The following FHIT variants were observed in gnomAD, a reference collection of about 807,000 sequenced individuals.
The protein encoded by FHIT is fragile histidine triad diadenosine triphosphatase.
In FHIT, 19 loss-of-function variants were observed where a neutral mutation model predicts 17.9. The observed-to-expected ratio is 1.06, with a 90% confidence interval of 0.74 to 1.56. FHIT has a LOEUF of 1.56. Among genes scored for constraint, FHIT ranks in the 40% most tolerant of loss-of-function variants. The probability of loss-of-function intolerance (pLI) is 0.00; values close to 1 mark genes in which losing one functional copy is unlikely to be tolerated. For missense variants in FHIT, 248 were observed against 189.2 expected (o/e 1.31, Z -1.82); for synonymous variants, 81 against 69.7 (o/e 1.16, Z -0.81).
intron 5 of FHIT, among the ~76,000 whole-genome samples, chr3:60,194,335 G>A (rs181296827): frequency 6.6e-6 from 1 of 152,086 alleles, no homozygotes; most frequent in Non-Finnish European, 1.5e-5. Context: ...ATAAACTGGG[G>A]AAAGGACACT....
At chr3:60,777,074 C>T (rs533527580) in intron 4 of FHIT, among the ~76,000 whole-genome samples, 40 of 152,256 alleles carry the variant, frequency 2.6e-4, no homozygotes, top group African/African-American at 5.5e-4. Context: ...AAAAGGTTTT[C>T]GCTTCTTCAA....
At chr3:61,205,347 T>C (rs906824910) in intron 1 of FHIT, among the ~76,000 whole-genome samples, 3 of 152,190 alleles carry the variant, frequency 2.0e-5, no homozygotes, top group Admixed American at 6.5e-5. Flanking sequence ...AGTAATGAGA[T>C]GGCTGAGTCA....
chr3:61,091,130 T>G (rs1430434011), intron 2 of FHIT, among the ~76,000 whole-genome samples: 1 of 152,202 alleles, frequency 6.6e-6, no homozygotes, highest in South Asian at 2.1e-4. Flanking sequence ...AGAAAAAATA[T>G]GCACTTAACA....
intron 5 of FHIT, among the ~76,000 whole-genome samples, chr3:60,095,090 A>C (rs1438751608): frequency 6.6e-6 from 1 of 152,188 alleles, no homozygotes; most frequent in Non-Finnish European, 1.5e-5. Context: ...TCATTAGCTT[A>C]GCTGGGCAAT....
At chr3:60,207,416 G>C (rs1052107893) in intron 5 of FHIT, among the ~76,000 whole-genome samples, 1 of 151,864 alleles carries the variant, frequency 6.6e-6, no homozygotes, top group Non-Finnish European at 1.5e-5. Flanking sequence ...ACCTCGAAAG[G>C]CTTCTATATG....
rs1708863005 is a variant in FHIT at position 60,950,994 on chromosome 3, G to C, written c.-111+91053C>G. On this transcript the variant is annotated intron_variant, in intron 3 of 9. Coordinates refer to ENST00000492590, the MANE Select transcript of FHIT (RefSeq NM_002012.4). Reference sequence around the variant, plus strand: ...ACGCTAAGAACAGTAGAAGAGAAATGCCAAAACATCAGCTCTAGATTATCC... The same window carrying C: ...ACGCTAAGAACAGTAGAAGAGAAATCCCAAAACATCAGCTCTAGATTATCC... 4.6e-5 allele frequency among the ~76,000 whole-genome samples: 7 copies of C among 152,278 alleles called. No individual in the cohort carries two copies. The South Asian group carries it at 1.4e-3, about 32-fold the overall frequency.
At chr3:60,745,184 T>A (rs2042331839) in intron 4 of FHIT, among the ~76,000 whole-genome samples, 1 of 152,116 alleles carries the variant, frequency 6.6e-6, no homozygotes, top group South Asian at 2.1e-4. Flanking sequence ...TAAGAAGTAT[T>A]TTGGTACTAG....
intron 5 of FHIT, among the ~76,000 whole-genome samples, chr3:60,481,132 A>C (rs2033589693): frequency 6.6e-6 from 1 of 152,212 alleles, no homozygotes; most frequent in Admixed American, 6.5e-5. Context: ...AGAAAAAAGA[A>C]TGAAGAGGAG....
chr3:61,184,614 G>C (rs924208031), intron 2 of FHIT, among the ~76,000 whole-genome samples: 32 of 152,166 alleles, frequency 2.1e-4, no homozygotes, highest in Non-Finnish European at 4.1e-4. Context: ...GGGCCAGCAT[G>C]CATTCTAAGT....
chr3:59,772,254 C>T (rs1702107564), intron 8 of FHIT, among the ~76,000 whole-genome samples: 1 of 152,254 alleles, frequency 6.6e-6, no homozygotes, highest in Admixed American at 6.5e-5. Flanking sequence ...AGCTCTATCA[C>T]TCCCTCTGGG....
chr3:60,347,675 T>TGGG (rs33987270), intron 5 of FHIT, among the ~76,000 whole-genome samples: 22 of 27,722 alleles, frequency 7.9e-4, no homozygotes, highest in East Asian at 6.0e-3. Context: ...ACCACTGGTT[T>TGGG]GGGGGGGGGG....
intron 8 of FHIT, among the ~76,000 whole-genome samples, chr3:59,916,528 A>G (rs1374955322): frequency 6.6e-6 from 1 of 152,176 alleles, no homozygotes; most frequent in Non-Finnish European, 1.5e-5. Flanking sequence ...ACTAATACAT[A>G]TATTATCTGA....
intron 4 of FHIT, among the ~76,000 whole-genome samples, chr3:60,620,235 C>T (rs561878072): frequency 2.0e-4 from 30 of 152,124 alleles, no homozygotes; most frequent in Admixed American, 7.9e-4. Context: ...TCAGAAGACC[C>T]GCAATATTTT....
intron 4 of FHIT, among the ~76,000 whole-genome samples, chr3:60,749,801 A>T (rs1350750691): frequency 1.3e-5 from 2 of 152,214 alleles, no homozygotes; most frequent in Non-Finnish European, 2.9e-5. Context: ...AAATGTGGGT[A>T]TATCTCCAAG....
At chr3:60,076,861 C>G (rs1279432876) in intron 5 of FHIT, among the ~76,000 whole-genome samples, 2 of 119,996 alleles carry the variant, frequency 1.7e-5, no homozygotes, top group African/African-American at 3.0e-5. Flanking sequence ...ATAAAATAAT[C>G]ACCAAAGTGA....
intron 2 of FHIT, among the ~76,000 whole-genome samples, chr3:61,127,367 T>C (rs948228461): frequency 2.0e-5 from 3 of 152,172 alleles, no homozygotes; most frequent in Admixed American, 1.3e-4. Flanking sequence ...AGGAATTTTA[T>C]ATAAAAGATC....
chr3:60,915,292 A>C (rs1236494639), intron 3 of FHIT, among the ~76,000 whole-genome samples: 1 of 152,172 alleles, frequency 6.6e-6, no homozygotes, highest in Non-Finnish European at 1.5e-5. Flanking sequence ...GCCTCCTGAT[A>C]CCACATATAA....
chr3:60,616,349 A>T (rs2038949011), intron 4 of FHIT, among the ~76,000 whole-genome samples: 1 of 152,204 alleles, frequency 6.6e-6, no homozygotes, highest in African/African-American at 2.4e-5. Context: ...ACCTGGTGTC[A>T]ACATATTTCA....
chr3:60,590,145 A>AT (rs1218201631), intron 4 of FHIT, among the ~76,000 whole-genome samples: 46 of 151,948 alleles, frequency 3.0e-4, no homozygotes, highest in Admixed American at 2.5e-3. Context: ...TCAATTAGAA[A>AT]TTTTTTTAAA....
Sources: gnomAD v4.1 joint callset for allele counts (sites outside exome capture counted in the v4.1 genomes callset) on GRCh38, gnomAD v4.1.1 for gene constraint, MANE v1.5 for transcripts, NCBI Gene and HGNC (gene_info 2026-07-23, HGNC 2026-07-21) for gene names.